The following CMIP variants were observed in gnomAD, a reference collection of about 807,000 sequenced individuals.
The protein encoded by CMIP is c-Maf inducing protein.
CMIP carries 13 observed loss-of-function variants against 97.3 expected under a neutral mutation model. The ratio of observed to expected loss-of-function variants is 0.13; its 90% CI spans 0.09 to 0.21. The LOEUF (loss-of-function observed/expected upper bound fraction) is 0.21, where lower values mean the gene tolerates loss of function less well. CMIP is among the 10% of genes least tolerant of loss of function. The probability of loss-of-function intolerance (pLI) is 1.00; values close to 1 mark genes in which losing one functional copy is unlikely to be tolerated. For missense variants in CMIP, 847 were observed against 1,024.9 expected (o/e 0.83, Z 2.37); for synonymous variants, 538 against 436.3 (o/e 1.23, Z -2.91).
chr16:81,587,218 C>A (rs187887266), intron 1 of CMIP, among the ~76,000 whole-genome samples: 1 of 152,336 alleles, frequency 6.6e-6, no homozygotes, highest in Admixed American at 6.5e-5. Context: ...GGGGAGCGCA[C>A]TGGACACTGG....
chr16:81,687,319 G>A (rs1905515950), intron 10 of CMIP, among the ~76,000 whole-genome samples: 1 of 152,164 alleles, frequency 6.6e-6, no homozygotes, highest in African/African-American at 2.4e-5. Flanking sequence ...GGAACACCAG[G>A]GACAGCTCTG....
intron 12 of CMIP, 45 bp downstream of exon 12, chr16:81,693,229 C>T (rs1242156103): frequency 1.9e-6 from 3 of 1,582,848 alleles, no homozygotes; most frequent in Non-Finnish European, 2.6e-6. Flanking sequence ...GCACGCACGG[C>T]CTCTGTCCTG....
chr16:81,674,355 TCTC>T (rs1287423692), intron 9 of CMIP, among the ~76,000 whole-genome samples: 1 of 152,112 alleles, frequency 6.6e-6, no homozygotes, highest in Non-Finnish European at 1.5e-5. Flanking sequence ...ATGGTCTTGA[TCTC>T]CTGACCTCGT....
At chr16:81,585,797 C>T (rs1193316745) in intron 1 of CMIP, among the ~76,000 whole-genome samples, 2 of 152,168 alleles carry the variant, frequency 1.3e-5, no homozygotes, top group Non-Finnish European at 1.5e-5. Flanking sequence ...CTTCCATGTC[C>T]CTGGCCCAGC....
At chr16:81,638,420 C>G (rs567227957) in intron 3 of CMIP, among the ~76,000 whole-genome samples, 136 of 152,242 alleles carry the variant, frequency 8.9e-4, no homozygotes, top group Non-Finnish European at 1.7e-3. Context: ...AAGAAAATCC[C>G]ACAGCTCTTG....
Position 81,483,774 on chromosome 16 carries a change from T to A in CMIP, c.300+38233T>A, listed in dbSNP as rs2089270927. On this transcript the variant is annotated intron_variant, in intron 1 of 20. Coordinates refer to ENST00000537098, the MANE Select transcript of CMIP (RefSeq NM_198390.3). ...TGTTGGTCACTTATGGCTTTTGCTA[T>A]TTATATAGCACAGTGGTTTATAAAC... is the stretch of plus-strand genomic sequence containing the variant. 2.0e-5 allele frequency among the ~76,000 whole-genome samples: 3 copies of A among 152,230 alleles called. No homozygotes were observed. The South Asian group carries it at 6.2e-4, about 31-fold the overall frequency.
chr16:81,494,917 C>T (rs1465790216), intron 1 of CMIP, among the ~76,000 whole-genome samples: 1 of 152,196 alleles, frequency 6.6e-6, no homozygotes, highest in Non-Finnish European at 1.5e-5. Context: ...GAGTTGGGCA[C>T]CAGTATCGCA....
chr16:81,495,502 C>G (rs916291051), intron 1 of CMIP: 2 of 1,612,812 alleles, frequency 1.2e-6, no homozygotes, highest in Non-Finnish European at 8.5e-7. Context: ...GAGGTACAGT[C>G]CCATGTGGGG....
intron 1 of CMIP, among the ~76,000 whole-genome samples, chr16:81,469,606 G>A (rs1907404728): frequency 6.6e-6 from 1 of 152,216 alleles, no homozygotes; most frequent in Admixed American, 6.5e-5. Flanking sequence ...GCTTCCCAGG[G>A]CAGGTGACGT....
intron 1 of CMIP, among the ~76,000 whole-genome samples, chr16:81,594,873 G>T (rs1463499458): frequency 1.4e-5 from 2 of 142,032 alleles, no homozygotes; most frequent in Non-Finnish European, 3.0e-5. Context: ...CTCATGATCC[G>T]CCCGCCTCGG....
chr16:81,648,902 A>C (rs2092396146), intron 3 of CMIP, among the ~76,000 whole-genome samples: 2 of 149,196 alleles, frequency 1.3e-5, no homozygotes, highest in South Asian at 2.1e-4. Flanking sequence ...TGTGATCTGC[A>C]CTGTCCCCTA....
intron 16 of CMIP, among the ~76,000 whole-genome samples, chr16:81,702,193 C>T (rs546713497): frequency 1.4e-3 from 207 of 152,270 alleles, no homozygotes; most frequent in African/African-American, 4.4e-3. Flanking sequence ...AAATTCATGC[C>T]TTCTGATCTC....
chr16:81,554,813 A>C (rs2090729017), intron 1 of CMIP, among the ~76,000 whole-genome samples: 1 of 152,196 alleles, frequency 6.6e-6, no homozygotes, highest in Non-Finnish European at 1.5e-5. Flanking sequence ...GAAAGCATAG[A>C]GTGCTTAGCA....
At chr16:81,639,420 C>T (rs768879764) in intron 3 of CMIP, among the ~76,000 whole-genome samples, 3 of 152,222 alleles carry the variant, frequency 2.0e-5, no homozygotes. Flanking sequence ...ACCCCCTCCC[C>T]CAGCCCCTGG....
At chr16:81,539,712 C>T (rs1470073674) in intron 1 of CMIP, among the ~76,000 whole-genome samples, 3 of 152,232 alleles carry the variant, frequency 2.0e-5, no homozygotes, top group Non-Finnish European at 2.9e-5. Context: ...AAGAGCAAGA[C>T]TAAGCTTCCC....
chr16:81,699,127 C>T (rs1055131608), intron 14 of CMIP, among the ~76,000 whole-genome samples: 1 of 152,110 alleles, frequency 6.6e-6, no homozygotes, highest in African/African-American at 2.4e-5. Flanking sequence ...GTGGTGCATG[C>T]CTGTAATCCT....
rs2091766588 is a variant in CMIP at position 81,607,640 on chromosome 16, C to T, written c.374C>T (p.Ala125Val). 8.1e-6 allele frequency: 13 copies of T among 1,613,998 alleles called. No homozygotes were observed. The highest frequency in any genetic ancestry group is 1.0e-5 in the Non-Finnish European group (12 of 1,179,882). The change falls in exon 2 of 21, where the codon GCC (alanine) becomes GTC (valine). Residue 125 changes from alanine (A) to valine (V), a missense_variant. This residue lies in a region of CMIP where 285 missense variants were observed against 392.2 expected (regional missense o/e 0.73). Coordinates refer to ENST00000537098, the MANE Select transcript of CMIP (RefSeq NM_198390.3). Reference sequence around the variant, plus strand: ...GTTCAGCTGCTGTCCTGGGAGAATGCCCCGAAGTACTGTTTACAGCTCACG... The same window carrying T: ...GTTCAGCTGCTGTCCTGGGAGAATGTCCCGAAGTACTGTTTACAGCTCACG... Reference protein sequence around the residue: ...EDVQLLSWENAPKYCLQLTIP... With the variant: ...EDVQLLSWENVPKYCLQLTIP...
chr16:81,497,625 C>G (rs2927311), intron 1 of CMIP, among the ~76,000 whole-genome samples: 36,224 of 152,254 alleles, frequency 0.24, 4,541 homozygotes, highest in East Asian at 0.37. Flanking sequence ...CAGACTGGCT[C>G]TCCGAGGGTG....
chr16:81,707,623 G>A (rs1434757733), intron 20 of CMIP, among the ~76,000 whole-genome samples: 1 of 152,268 alleles, frequency 6.6e-6, no homozygotes, highest in Non-Finnish European at 1.5e-5. Flanking sequence ...ACTGAGGGCT[G>A]CGCTGCACCG....
Sources: gnomAD v4.1 joint callset for allele counts (sites outside exome capture counted in the v4.1 genomes callset) on GRCh38, gnomAD v4.1.1 for gene constraint, gnomAD v4.1.1 regional missense constraint, MANE v1.5 for transcripts, NCBI Gene and HGNC (gene_info 2026-07-23, HGNC 2026-07-21) for gene names.